NRG3: variants seen among roughly 807,000 people sequenced by gnomAD.
The protein encoded by NRG3 is pro-neuregulin-3, membrane-bound isoform.
Under a neutral mutation model 66.9 loss-of-function variants are expected in NRG3, and 31 were observed. The ratio of observed to expected loss-of-function variants is 0.46; its 90% CI spans 0.35 to 0.63. The LOEUF (loss-of-function observed/expected upper bound fraction) is 0.63. Among genes scored for constraint, NRG3 ranks in the 20% least tolerant of loss-of-function variants. The pLI is 0.00. For missense variants in NRG3, 910 were observed against 878.9 expected (o/e 1.04, Z -0.45); for synonymous variants, 393 against 359.4 (o/e 1.09, Z -1.06).
At chr10:82,102,893 G>T (rs1444891578) in intron 1 of NRG3, among the ~76,000 whole-genome samples, 2 of 151,846 alleles carry the variant, frequency 1.3e-5, no homozygotes, top group Non-Finnish European at 2.9e-5. Context: ...TAAAATCAGA[G>T]AAAAAGTCTA....
intron 2 of NRG3, among the ~76,000 whole-genome samples, chr10:82,524,217 A>G (rs1769560788): frequency 1.3e-5 from 2 of 152,188 alleles, no homozygotes; most frequent in South Asian, 4.1e-4. Context: ...TCTAATAGCA[A>G]TTTCAGAATG....
At chr10:82,265,714 C>T (rs1269350807) in intron 1 of NRG3, among the ~76,000 whole-genome samples, 2 of 152,068 alleles carry the variant, frequency 1.3e-5, no homozygotes, top group Admixed American at 6.5e-5. Context: ...ATGGCAGTAG[C>T]CTTATGTTAA....
At chr10:82,905,717 T>G (rs1012478152) in intron 4 of NRG3, among the ~76,000 whole-genome samples, 6 of 152,168 alleles carry the variant, frequency 3.9e-5, no homozygotes, top group Non-Finnish European at 8.8e-5. Flanking sequence ...TCTTTCTTCC[T>G]TTCTCTCTAG....
chr10:81,908,922 G>C (rs1233873166), intron 1 of NRG3, among the ~76,000 whole-genome samples: 1 of 152,054 alleles, frequency 6.6e-6, no homozygotes, highest in Non-Finnish European at 1.5e-5. Context: ...AGAGTGATGG[G>C]GTTGGTGGAG....
At chr10:82,615,334 T>C (rs993488186) in intron 2 of NRG3, among the ~76,000 whole-genome samples, 27 of 152,178 alleles carry the variant, frequency 1.8e-4, no homozygotes, top group Admixed American at 1.5e-3. Context: ...AGTATTCCAC[T>C]GAAGATGCAT....
chr10:81,914,229 A>C (rs908308309), intron 1 of NRG3, among the ~76,000 whole-genome samples: 1 of 152,186 alleles, frequency 6.6e-6, no homozygotes, highest in African/African-American at 2.4e-5. Context: ...AAAATCACTT[A>C]AAATTTCTTC....
chr10:82,658,513 T>C (rs1356909288), intron 2 of NRG3, among the ~76,000 whole-genome samples: 2 of 152,028 alleles, frequency 1.3e-5, no homozygotes, highest in African/African-American at 4.8e-5. Flanking sequence ...TTACCACTTC[T>C]ATTCAGAATT....
At chr10:82,424,661 T>C (rs1371816564) in intron 2 of NRG3, among the ~76,000 whole-genome samples, 1 of 152,084 alleles carries the variant, frequency 6.6e-6, no homozygotes, top group East Asian at 1.9e-4. Context: ...AATTTACACA[T>C]TTCTTTTTTA....
rs183985485 is a variant in NRG3, at chr10:82,880,336, C to T, written c.1054+14899C>T. On this transcript the variant is annotated intron_variant, in intron 4 of 8. Transcript: ENST00000372141. ...AAGAAAGCTGTCCATATTTAGAGTGCGCACGAGTGAGACTGCCATTCGTGG... is the reference window on the plus strand; with the variant it reads ...AAGAAAGCTGTCCATATTTAGAGTGTGCACGAGTGAGACTGCCATTCGTGG... Among the ~76,000 whole-genome samples, 271 of 152,058 alleles carry T rather than the reference C, an allele frequency of 1.8e-3. 4 individuals are homozygous for T. Among genetic ancestry groups the T allele is most frequent in the Admixed American group, 0.015 (233 of 15,264 alleles).
chr10:82,465,899 G>T (rs1840625605), intron 2 of NRG3, among the ~76,000 whole-genome samples: 1 of 152,112 alleles, frequency 6.6e-6, no homozygotes, highest in African/African-American at 2.4e-5. Context: ...TATGACTCTA[G>T]CCAGGGACAC....
chr10:82,085,180 G>T (rs2065644029), intron 1 of NRG3, among the ~76,000 whole-genome samples: 1 of 152,080 alleles, frequency 6.6e-6, no homozygotes. Context: ...GGTACTTCAA[G>T]ATTTCATAGG....
chr10:82,265,433 T>G (rs1028057807), intron 1 of NRG3, among the ~76,000 whole-genome samples: 2 of 152,192 alleles, frequency 1.3e-5, no homozygotes, highest in African/African-American at 2.4e-5. Context: ...TAATGTATTA[T>G]AGTCAATGGA....
intron 2 of NRG3, among the ~76,000 whole-genome samples, chr10:82,365,651 A>G (rs563264786): frequency 1.3e-5 from 2 of 152,320 alleles, no homozygotes; most frequent in East Asian, 3.9e-4. Context: ...ACCTCTTTGT[A>G]TTAAAATTAG....
chr10:82,976,461 T>C (rs1852263721), intron 7 of NRG3, among the ~76,000 whole-genome samples: 1 of 152,124 alleles, frequency 6.6e-6, no homozygotes, highest in Non-Finnish European at 1.5e-5. Flanking sequence ...GCAGGGGAGA[T>C]AGAGGAACTC....
chr10:82,122,668 G>T (rs1389535783), intron 1 of NRG3, among the ~76,000 whole-genome samples: 1 of 152,070 alleles, frequency 6.6e-6, no homozygotes, highest in Non-Finnish European at 1.5e-5. Flanking sequence ...TTAGCTTCCT[G>T]ATCTTGGCAT....
intron 3 of NRG3, among the ~76,000 whole-genome samples, chr10:82,804,905 C>A (rs150875730): frequency 6.6e-6 from 1 of 152,208 alleles, no homozygotes; most frequent in South Asian, 2.1e-4. Context: ...TTGATCCATA[C>A]TTTATCTAAT....
At chr10:82,603,106 A>G (rs544435436) in intron 2 of NRG3, among the ~76,000 whole-genome samples, 28 of 152,278 alleles carry the variant, frequency 1.8e-4, no homozygotes, top group African/African-American at 6.7e-4. Context: ...TTGTATGTAC[A>G]TTATTGTTCT....
intron 1 of NRG3, among the ~76,000 whole-genome samples, chr10:82,153,733 T>C (rs1273172886): frequency 6.6e-6 from 1 of 152,028 alleles, no homozygotes; most frequent in East Asian, 1.9e-4. Flanking sequence ...TTATTATCTT[T>C]CGTACTTTTG....
chr10:82,357,160 T>C (rs1158434563), intron 1 of NRG3, among the ~76,000 whole-genome samples: 1 of 152,158 alleles, frequency 6.6e-6, no homozygotes, highest in African/African-American at 2.4e-5. Flanking sequence ...TCTTGGTATT[T>C]TGGGGAAATA....
Sources: allele counts gnomAD v4.1 joint callset (sites outside exome capture counted in the v4.1 genomes callset), GRCh38; gene constraint gnomAD v4.1.1; transcripts MANE v1.5; gene names NCBI Gene and HGNC (gene_info 2026-07-23, HGNC 2026-07-21).